The following CHLSN variants were observed in gnomAD, a reference collection of about 807,000 sequenced individuals.
CHLSN encodes the protein cholesin.
chr7:1,097,560 T>G, the CHLSN span, among the ~76,000 whole-genome samples: 26 of 152,158 alleles, frequency 1.7e-4, no homozygotes, highest in Non-Finnish European at 3.2e-4. This position sits in a 1 kb window ranked among gnomAD's most constrained non-coding sequence, Gnocchi z 4.3. Context: ...GTAAAGTAGT[T>G]GGAAAAGCAT....
At chr7:1,099,572 T>C in the CHLSN span, among the ~76,000 whole-genome samples, 1 of 152,184 alleles carries the variant, frequency 6.6e-6, no homozygotes, top group Non-Finnish European at 1.5e-5. Flanking sequence ...TTACCTGGAG[T>C]GTCTTTGGAT....
the CHLSN span, among the ~76,000 whole-genome samples, chr7:1,087,884 TAAAG>T: frequency 6.6e-6 from 1 of 152,202 alleles, no homozygotes; most frequent in East Asian, 1.9e-4. Context: ...CCTTCAAACT[TAAAG>T]AAAGGTTTGT....
the CHLSN span, among the ~76,000 whole-genome samples, chr7:1,125,102 G>A: frequency 2.0e-5 from 3 of 152,236 alleles, no homozygotes; most frequent in East Asian, 1.9e-4. Flanking sequence ...AGCCACAGAC[G>A]TGGTGGACGT....
chr7:993,617 A>C, the CHLSN span, among the ~76,000 whole-genome samples: 1 of 152,216 alleles, frequency 6.6e-6, no homozygotes, highest in South Asian at 2.1e-4. Context: ...CTTCTACAAA[A>C]AATACAACAA....
At chr7:1,092,961 G>A in the CHLSN span, 1 of 1,116,936 alleles carries the variant, frequency 9.0e-7, no homozygotes, top group Non-Finnish European at 1.3e-6. Context: ...GCGGTCAGAT[G>A]TGGCTTCTGG....
chr7:1,021,413 G>A, the CHLSN span: 1 of 985,476 alleles, frequency 1.0e-6, no homozygotes, highest in Non-Finnish European at 1.2e-6. Flanking sequence ...GTCGGAAGCT[G>A]AAGGGCTCTG....
At chr7:1,112,232 G>C in the CHLSN span, among the ~76,000 whole-genome samples, 1 of 152,180 alleles carries the variant, frequency 6.6e-6, no homozygotes, top group Non-Finnish European at 1.5e-5. Context: ...GAATGAGGAT[G>C]GTCAGATCTC....
the CHLSN span, among the ~76,000 whole-genome samples, chr7:1,104,734 G>C: frequency 6.6e-6 from 1 of 152,180 alleles, no homozygotes; most frequent in African/African-American, 2.4e-5. Context: ...AGCTGTGAAT[G>C]CTCCATCCTG....
the CHLSN span, among the ~76,000 whole-genome samples, chr7:985,664 G>A: frequency 6.6e-6 from 1 of 152,178 alleles, no homozygotes; most frequent in African/African-American, 2.4e-5. Context: ...TGACAGTCCA[G>A]GCACCTTCCT....
chr7:1,004,774 T>C, the CHLSN span, among the ~76,000 whole-genome samples: 3,430 of 152,300 alleles, frequency 0.023, 131 homozygotes, highest in East Asian at 0.19. Context: ...CACAATCCTC[T>C]TTCTCTCTGC....
chr7:1,131,130 GCAGTGAGCCATGACTGTACCACTGCACTC>G, the CHLSN span, among the ~76,000 whole-genome samples: 816 of 150,554 alleles, frequency 5.4e-3, 9 homozygotes, highest in African/African-American at 0.019. Context: ...GGTCGAGGCT[GCAGTGAGCCATGACTGTACCACTGCACTC>G]CAGCCTGGGC....
At chr7:1,136,587 CATAT>C in the CHLSN span, among the ~76,000 whole-genome samples, 5 of 113,604 alleles carry the variant, frequency 4.4e-5, no homozygotes, top group East Asian at 2.3e-4. Context: ...CATATATAAA[CATAT>C]ATAAACATAT....
At chr7:1,038,518 C>T in the CHLSN span, among the ~76,000 whole-genome samples, 11 of 104,202 alleles carry the variant, frequency 1.1e-4, no homozygotes, top group East Asian at 2.9e-4. Flanking sequence ...CCGCCCCGTC[C>T]GGGAGGGAGG....
the CHLSN span, among the ~76,000 whole-genome samples, chr7:1,039,981 C>T: frequency 5.7e-5 from 6 of 104,888 alleles, no homozygotes; most frequent in African/African-American, 2.2e-4. Flanking sequence ...GCAGCATGCT[C>T]GTTAAGAGTC....
At chr7:1,132,174 A>G in the CHLSN span, among the ~76,000 whole-genome samples, 1 of 152,244 alleles carries the variant, frequency 6.6e-6, no homozygotes, top group East Asian at 1.9e-4. Context: ...TGGCACCAAA[A>G]ACACGTGGCA....
chr7:1,005,427 C>A, the CHLSN span, among the ~76,000 whole-genome samples: 2 of 152,256 alleles, frequency 1.3e-5, no homozygotes, highest in African/African-American at 4.8e-5. Context: ...CGTAACTGCA[C>A]CAGGAACTGC....
the CHLSN span, among the ~76,000 whole-genome samples, chr7:982,153 C>A: frequency 6.6e-6 from 1 of 152,234 alleles, no homozygotes; most frequent in South Asian, 2.1e-4. Context: ...CCCTCCCCGC[C>A]GCAGCCGCCC....
chr7:1,103,903 G>A, the CHLSN span, among the ~76,000 whole-genome samples: 76 of 152,242 alleles, frequency 5.0e-4, no homozygotes, highest in Non-Finnish European at 1.6e-4. Context: ...GGGCAGGGGA[G>A]AGCTGGAAGG....
chr7:1,104,038 T>C, the CHLSN span, among the ~76,000 whole-genome samples: 2 of 152,186 alleles, frequency 1.3e-5, no homozygotes, highest in Non-Finnish European at 2.9e-5. Flanking sequence ...AGCCCCGTGC[T>C]AGCACCCACC....
Sources: gnomAD v4.1 joint callset for allele counts (sites outside exome capture counted in the v4.1 genomes callset) on GRCh38, gnomAD v4.1.1 for gene constraint, Gnocchi (gnomAD v3.1) non-coding constraint, MANE v1.5 for transcripts, NCBI Gene and HGNC (gene_info 2026-07-23, HGNC 2026-07-21) for gene names.